Variants in SCAI observed in about 807,000 individuals in gnomAD.
The protein encoded by SCAI is suppressor of cancer cell invasion, also known as protein SCAI.
In SCAI, 24 loss-of-function variants were observed where a neutral mutation model predicts 92.2. The observed-to-expected ratio is 0.26, with a 90% confidence interval of 0.19 to 0.37. The LOEUF (loss-of-function observed/expected upper bound fraction) is 0.37, where lower values mean the gene tolerates loss of function less well. Ranked by LOEUF, SCAI falls within the 10% of genes least tolerant of loss-of-function variation. The pLI, the probability that SCAI is intolerant of heterozygous loss-of-function variation, is 1.00. For synonymous variants in SCAI, 261 were observed against 258.6 expected (o/e 1.01, Z -0.09); for missense variants, 450 against 736.2 (o/e 0.61, Z 4.50).
chr9:125,092,061 C>T (rs28465536), intron 2 of SCAI, among the ~76,000 whole-genome samples: 1 of 139,854 alleles, frequency 7.2e-6, no homozygotes. Context: ...ACCCAGGAGG[C>T]GGAGCTTGCA....
chr9:124,947,447 A>G lies in SCAI; in HGVS notation c.*5360T>C, dbSNP rs1345096032. The G allele has an allele frequency of 6.6e-6, 1 of 152,128 alleles. No individual in the cohort carries two copies. Among genetic ancestry groups the G allele is most frequent in the Non-Finnish European group, 1.5e-5 (1 of 68,004 alleles). 9.4% of individuals were successfully genotyped at this position (152,128 alleles called of 1,614,324 possible). A position where few individuals can be genotyped will look rare whatever the true frequency, so the allele number is the denominator to read the frequency against. On this transcript the variant is annotated 3_prime_UTR_variant, in exon 18 of 18. Transcript: ENST00000336505. ...CATATCCTAATTTCAACTCCAAATTAGCCCATTTTATCCAAACACAAGCCT... is the reference window on the plus strand; with the variant it reads ...CATATCCTAATTTCAACTCCAAATTGGCCCATTTTATCCAAACACAAGCCT...
chr9:125,041,570 A>G (rs1833318663), intron 3 of SCAI, among the ~76,000 whole-genome samples: 1 of 152,204 alleles, frequency 6.6e-6, no homozygotes, highest in Non-Finnish European at 1.5e-5. Flanking sequence ...AAGGGAGAAA[A>G]CAGAACTAGA....
At chr9:125,075,094 A>C (rs1314168408) in intron 2 of SCAI, among the ~76,000 whole-genome samples, 1 of 152,218 alleles carries the variant, frequency 6.6e-6, no homozygotes, top group East Asian at 1.9e-4. Flanking sequence ...TATGAAGCTA[A>C]TGGGGCAGGA....
chr9:125,093,872 C>T (rs962173399), intron 2 of SCAI, among the ~76,000 whole-genome samples: 17 of 151,856 alleles, frequency 1.1e-4, no homozygotes, highest in Non-Finnish European at 2.2e-4. Flanking sequence ...CCGACACCTA[C>T]GTTTTTTTAA....
At chr9:125,126,392 GGTGTGTGTGT>G (rs3222316) in intron 2 of SCAI, among the ~76,000 whole-genome samples, 2 of 115,016 alleles carry the variant, frequency 1.7e-5, no homozygotes, top group Admixed American at 9.6e-5. Flanking sequence ...GTGAGTTGGG[GGTGTGTGTGT>G]GTGTGTGTGT....
At chr9:124,968,587 CA>C in intron 17 of SCAI, 1 of 934,926 alleles carries the variant, frequency 1.1e-6, no homozygotes, top group Non-Finnish European at 1.8e-6. Context: ...GGCTTGTCTG[CA>C]AGGTCTTCAA....
intron 3 of SCAI, among the ~76,000 whole-genome samples, chr9:125,033,498 A>C (rs1412017895): frequency 5.3e-5 from 8 of 152,170 alleles, no homozygotes; most frequent in Non-Finnish European, 2.9e-5. Context: ...AACAAAAGGT[A>C]CAACAGGTAG....
At chr9:124,982,679 C>CAAAAA (rs35467160) in intron 14 of SCAI, among the ~76,000 whole-genome samples, 1 of 74,090 alleles carries the variant, frequency 1.3e-5, no homozygotes, top group Non-Finnish European at 2.7e-5. Flanking sequence ...GACTCTGTCT[C>CAAAAA]AAAAAAAAAA....
At position 124,948,174 on chromosome 9, in the gene SCAI, A is replaced by G. The variant is rs1470700761; in HGVS notation, c.*4633T>C. ...GACATAATCTGTTTCAGGGAATTCT[A>G]TTGCACAAAGGAAATAAAGGGCAGT... On this transcript the variant is annotated 3_prime_UTR_variant, in exon 18 of 18. Coordinates refer to ENST00000336505, the MANE Select transcript of SCAI (RefSeq NM_001144877.3). 1.3e-5 allele frequency: 2 copies of G among 152,176 alleles called. No homozygotes were observed. The highest frequency in any genetic ancestry group is 2.1e-4 in the South Asian group (1 of 4,830). The allele number at this position is 152,176 out of a possible 1,614,324, so 9.4% of individuals were successfully genotyped here.
chr9:124,957,563 G>A (rs1831344475), intron 17 of SCAI, among the ~76,000 whole-genome samples: 1 of 143,188 alleles, frequency 7.0e-6, no homozygotes, highest in South Asian at 2.2e-4. Context: ...GTAAAGATGA[G>A]GTTTCACCAC....
chr9:124,943,539 C>A lies in SCAI; in HGVS notation c.*9268G>T, dbSNP rs1831093368. The A allele has an allele frequency of 6.6e-6, 1 of 152,024 alleles. No homozygotes were observed. Among genetic ancestry groups the A allele is most frequent in the Non-Finnish European group, 1.5e-5 (1 of 67,982 alleles). 9.4% of individuals were successfully genotyped at this position (152,024 alleles called of 1,614,324 possible). ...GGAGAGCTAATATAACTCTATAATC[C>A]CTATAGTGTTAAAATTCTATAACAT... On this transcript the variant is annotated 3_prime_UTR_variant, in exon 18 of 18. Coordinates refer to ENST00000336505, the MANE Select transcript of SCAI (RefSeq NM_001144877.3).
chr9:125,123,452 T>C (rs1012457859), intron 2 of SCAI, among the ~76,000 whole-genome samples: 4 of 151,612 alleles, frequency 2.6e-5, no homozygotes, highest in African/African-American at 7.3e-5. Flanking sequence ...GATGACTCTA[T>C]AGTTTGGAAA....
intron 9 of SCAI, among the ~76,000 whole-genome samples, chr9:125,010,478 G>A (rs536253400): frequency 6.6e-6 from 1 of 152,350 alleles, no homozygotes; most frequent in South Asian, 2.1e-4. Flanking sequence ...GAGGCTGGGG[G>A]AGGGGTACCC....
intron 17 of SCAI, chr9:124,968,852 G>A (rs1439714253): frequency 6.6e-6 from 4 of 610,160 alleles, no homozygotes; most frequent in Non-Finnish European, 1.2e-5. Context: ...GCAGGGCCCA[G>A]GTGAGCAATG....
intron 3 of SCAI, among the ~76,000 whole-genome samples, chr9:125,047,164 A>G (rs1457968654): frequency 1.3e-5 from 2 of 152,186 alleles, no homozygotes; most frequent in Non-Finnish European, 2.9e-5. Flanking sequence ...GCCTTTAAAG[A>G]GGTAATTAAA....
chr9:125,110,925 G>A (rs1207867411), intron 2 of SCAI, among the ~76,000 whole-genome samples: 1 of 152,172 alleles, frequency 6.6e-6, no homozygotes, highest in Non-Finnish European at 1.5e-5. Flanking sequence ...TGAACAGCCT[G>A]TGGAACCGTG....
Position 125,077,775 on chromosome 9 carries a change from G to A in SCAI, c.99-21768C>T, listed in dbSNP as rs149019388. ...GCTCTGTCGCCCAGGCCGGAGTTTA[G>A]TGGTGCAATCTTGGCTCACTACAAC... On this transcript the variant is annotated intron_variant, in intron 2 of 17. Transcript: ENST00000336505. 2.8e-4 allele frequency among the ~76,000 whole-genome samples: 43 copies of A among 152,162 alleles called. No individual in the cohort carries two copies. In the East Asian group the frequency reaches 7.7e-3, roughly 27 times the overall value.
At chr9:125,099,288 C>T (rs1588219280) in intron 2 of SCAI, among the ~76,000 whole-genome samples, 1 of 143,630 alleles carries the variant, frequency 7.0e-6, no homozygotes, top group Non-Finnish European at 1.5e-5. Context: ...CACTTTTTAT[C>T]TTTTTTTTTT....
At chr9:124,968,171 G>A (rs2131585093) in intron 17 of SCAI, 1 of 598,234 alleles carries the variant, frequency 1.7e-6, no homozygotes, top group Non-Finnish European at 2.9e-6. Flanking sequence ...TTTCCACAGA[G>A]CTGTTCCTCA....
Sources: allele counts gnomAD v4.1 joint callset (sites outside exome capture counted in the v4.1 genomes callset), GRCh38; gene constraint gnomAD v4.1.1; transcripts MANE v1.5; gene names NCBI Gene and HGNC (gene_info 2026-07-23, HGNC 2026-07-21).